Variants in TFDP2 observed in about 807,000 individuals in gnomAD.
The protein encoded by TFDP2 is transcription factor Dp-2.
In TFDP2, 17 loss-of-function variants were observed where a neutral mutation model predicts 59.3. The observed-to-expected ratio is 0.29, with a 90% CI of 0.20 to 0.43. TFDP2 has a LOEUF of 0.43. TFDP2 is among the 20% of genes least tolerant of loss of function. The pLI, the probability that TFDP2 is intolerant of heterozygous loss-of-function variation, is 1.00. For synonymous variants in TFDP2, 180 were observed against 194.7 expected (o/e 0.92, Z 0.63); for missense variants, 391 against 528.8 (o/e 0.74, Z 2.56).
chr3:142,052,122 C>T (rs1947661318), intron 3 of TFDP2, among the ~76,000 whole-genome samples: 1 of 151,938 alleles, frequency 6.6e-6, no homozygotes, highest in Non-Finnish European at 1.5e-5. Flanking sequence ...CTTGGAAAAA[C>T]ACAAAAAACA....
chr3:141,961,157 G>C (rs1937295875), intron 10 of TFDP2, among the ~76,000 whole-genome samples: 1 of 151,268 alleles, frequency 6.6e-6, no homozygotes, highest in Non-Finnish European at 1.5e-5. Flanking sequence ...ACTAATTTGA[G>C]AGAGTAACTA....
chr3:142,118,599 T>A (rs2061927703), intron 1 of TFDP2, among the ~76,000 whole-genome samples: 1 of 152,124 alleles, frequency 6.6e-6, no homozygotes, highest in Admixed American at 6.5e-5. Context: ...AAATGAAAGT[T>A]AAATTATTAA....
rs1434814965 is a variant in TFDP2 at position 142,026,420 on chromosome 3, A to G, written c.83-20876T>C. On this transcript the variant is annotated intron_variant, in intron 3 of 12. Transcript: ENST00000489671. Reference sequence around the variant, plus strand: ...TTTTTAATAATCTGCTTGAATGTTGATATCTTTTCCAGCCTTCTCTCTCCT... The same window carrying G: ...TTTTTAATAATCTGCTTGAATGTTGGTATCTTTTCCAGCCTTCTCTCTCCT... Among the ~76,000 whole-genome samples the G allele has an allele frequency of 1.1e-4, 16 of 152,170 alleles. 1 individual carries two copies. The highest frequency in any genetic ancestry group is 1.0e-3 in the Admixed American group (16 of 15,276).
chr3:142,146,741 T>C (rs1354524319), intron 1 of TFDP2, among the ~76,000 whole-genome samples: 2 of 152,128 alleles, frequency 1.3e-5, no homozygotes, highest in Non-Finnish European at 2.9e-5. Flanking sequence ...AATCCACAAG[T>C]GGGCTATGAG....
chr3:142,011,425 C>A (rs1392985979), intron 3 of TFDP2, among the ~76,000 whole-genome samples: 3 of 125,358 alleles, frequency 2.4e-5, no homozygotes, highest in Non-Finnish European at 4.9e-5. Context: ...GAATATCATA[C>A]TCTGGGGACT....
chr3:142,125,964 C>A (rs1331971289), intron 1 of TFDP2, among the ~76,000 whole-genome samples: 1 of 151,858 alleles, frequency 6.6e-6, no homozygotes, highest in Non-Finnish European at 1.5e-5. Context: ...GCAGAAATAA[C>A]CTAAAGTAAC....
chr3:142,116,012 T>TG (rs372436794), intron 1 of TFDP2, among the ~76,000 whole-genome samples: 1 of 152,086 alleles, frequency 6.6e-6, no homozygotes, highest in African/African-American at 2.4e-5. Flanking sequence ...TGTTACCACT[T>TG]GGGGGAAGTT....
rs1940249859 is a variant in TFDP2 at position 141,974,097 on chromosome 3, T to C, written c.614A>G (p.Lys205Arg). Residue 205 changes from lysine (K) to arginine (R), a missense_variant, in exon 8 of 13, where the codon AAG (lysine) becomes AGG (arginine). Lys to Arg is a conservative substitution (Grantham distance 26, BLOSUM62 2). Transcript: ENST00000489671. ...AGAATTGGTAGGCAGGCCAATCCACTTGATTTCTTTTTTTTCCTTTGAAAT... is the reference window on the plus strand; with the variant it reads ...AGAATTGGTAGGCAGGCCAATCCACCTGATTTCTTTTTTTTCCTTTGAAAT... ...NIISKEKKEI[K>R]WIGLPTNSAQ... 6.2e-7 allele frequency: 1 copy of C among 1,613,152 alleles called. No individual in the cohort carries two copies. Among genetic ancestry groups the C allele is most frequent in the Non-Finnish European group, 8.5e-7 (1 of 1,179,664 alleles).
intron 1 of TFDP2, among the ~76,000 whole-genome samples, chr3:142,103,195 G>T (rs576643077): frequency 2.0e-5 from 3 of 151,782 alleles, no homozygotes; most frequent in African/African-American, 7.3e-5. Flanking sequence ...CCGAGAACGC[G>T]CCATTGCACT....
chr3:141,974,104 C>CT lies in TFDP2; in HGVS notation c.606dup (p.Glu203ArgfsTer57). 1.2e-6 allele frequency: 2 copies of CT among 1,612,508 alleles called. No homozygotes were observed. The highest frequency in any genetic ancestry group is 2.2e-5 in the East Asian group (1 of 44,674). On this transcript the variant is annotated frameshift_variant, in exon 8 of 13. Coordinates refer to ENST00000489671, the MANE Select transcript of TFDP2 (RefSeq NM_001178139.2). LOFTEE classifies it high-confidence loss of function. ...GTAGGCAGGCCAATCCACTTGATTT[C>CT]TTTTTTTTCCTTTGAAATTATGTTC...
intron 3 of TFDP2, 137 bp from the exon 4 acceptor site, chr3:142,005,681 A>G (rs1168352685): frequency 1.8e-6 from 1 of 541,888 alleles, no homozygotes; most frequent in Non-Finnish European, 3.1e-6. Flanking sequence ...TGAACAAAAT[A>G]CACCTTACTG....
intron 9 of TFDP2, among the ~76,000 whole-genome samples, chr3:141,964,520 T>A (rs11569258): frequency 0.013 from 2,046 of 152,148 alleles, 48 homozygotes; most frequent in African/African-American, 0.047. Flanking sequence ...GGCATGGTGG[T>A]ATGTGCCTAT....
intron 1 of TFDP2, among the ~76,000 whole-genome samples, chr3:142,111,082 A>T (rs2061640575): frequency 1.3e-5 from 2 of 152,208 alleles, no homozygotes; most frequent in Admixed American, 1.3e-4. Context: ...CAAATTTCAC[A>T]ATTAACTACT....
At chr3:142,067,290 T>C (rs1306524324) in intron 3 of TFDP2, among the ~76,000 whole-genome samples, 1 of 152,096 alleles carries the variant, frequency 6.6e-6, no homozygotes, top group African/African-American at 2.4e-5. Flanking sequence ...AATATGAAGT[T>C]TAACATACAA....
intron 3 of TFDP2, among the ~76,000 whole-genome samples, chr3:142,090,204 T>C (rs2060953381): frequency 6.6e-6 from 1 of 152,194 alleles, no homozygotes; most frequent in South Asian, 2.1e-4. Flanking sequence ...GACACATGCC[T>C]GTAGTCTCAG....
At chr3:142,071,185 CT>C (rs1234730951) in intron 3 of TFDP2, among the ~76,000 whole-genome samples, 3 of 150,870 alleles carry the variant, frequency 2.0e-5, no homozygotes, top group Non-Finnish European at 4.4e-5. Context: ...GAGATGGAGT[CT>C]TGCTCTGTCA....
intron 1 of TFDP2, among the ~76,000 whole-genome samples, chr3:142,105,264 T>C (rs1226794791): frequency 6.6e-6 from 1 of 152,216 alleles, no homozygotes; most frequent in Non-Finnish European, 1.5e-5. Context: ...GCAAATACTA[T>C]TGCCTACCCA....
intron 1 of TFDP2, among the ~76,000 whole-genome samples, chr3:142,125,381 A>G (rs1463960470): frequency 6.6e-6 from 1 of 152,222 alleles, no homozygotes; most frequent in Non-Finnish European, 1.5e-5. Context: ...GTGGTGGAAG[A>G]ATAAACAGGC....
intron 3 of TFDP2, among the ~76,000 whole-genome samples, chr3:142,075,907 A>G (rs1310755150): frequency 1.1e-5 from 1 of 94,834 alleles, no homozygotes; most frequent in African/African-American, 3.4e-5. Flanking sequence ...AACCTGCCTC[A>G]AAAAAAAAAA....
Sources: gnomAD v4.1 joint callset for allele counts (sites outside exome capture counted in the v4.1 genomes callset) on GRCh38, gnomAD v4.1.1 for gene constraint, MANE v1.5 for transcripts, NCBI Gene and HGNC (gene_info 2026-07-23, HGNC 2026-07-21) for gene names.